SMYD5: variants seen among roughly 807,000 people sequenced by gnomAD.
SMYD5 encodes the protein SMYD family member 5.
Under a neutral mutation model 57.4 loss-of-function variants are expected in SMYD5, and 35 were observed. That is an observed-to-expected ratio of 0.61 (90% CI 0.47 to 0.81). The LOEUF (loss-of-function observed/expected upper bound fraction) is 0.81, where lower values mean the gene tolerates loss of function less well. SMYD5 is among the 30% of genes least tolerant of loss of function. The pLI, the probability that SMYD5 is intolerant of heterozygous loss-of-function variation, is 0.00. For synonymous variants in SMYD5, 198 were observed against 189.7 expected, an observed-to-expected ratio of 1.04 and a Z score of -0.36; for missense variants, 471 against 527.9, an observed-to-expected ratio of 0.89 and a Z score of 1.06.
chr2:73,225,441 G>T (rs925509945), intron 11 of SMYD5, 190 bp from the exon 12 acceptor site: 2 of 672,350 alleles, frequency 3.0e-6, no homozygotes, highest in African/African-American at 1.8e-5. Context: ...CAGGCTGTTG[G>T]AGCCTTATAG....
At chr2:73,216,743 T>A (rs1329975960) in intron 1 of SMYD5, among the ~76,000 whole-genome samples, 1 of 150,896 alleles carries the variant, frequency 6.6e-6, no homozygotes, top group Admixed American at 6.6e-5. Flanking sequence ...TTTTGCACTA[T>A]TTTTTTTTAT....
chr2:73,216,049 G>A (rs966145357), intron 1 of SMYD5, among the ~76,000 whole-genome samples: 8 of 152,192 alleles, frequency 5.3e-5, no homozygotes, highest in African/African-American at 1.4e-4. Context: ...GGGGCCTCAA[G>A]TGGGAGTAGT....
chr2:73,224,845 T>A (rs754469856), intron 10 of SMYD5, 21 bp from the exon 11 acceptor site: 3 of 1,579,354 alleles, frequency 1.9e-6, no homozygotes, highest in Non-Finnish European at 2.6e-6. Context: ...TAATCCTCAT[T>A]ACCTGCCTCT....
intron 6 of SMYD5, 82 bp from the exon 7 acceptor site, chr2:73,222,673 T>C: frequency 8.4e-7 from 1 of 1,196,676 alleles, no homozygotes. Context: ...TTTCCTTCCC[T>C]CCCCTAGTCG....
At chr2:73,220,596 A>C (rs1686367199) in intron 3 of SMYD5, 65 bp from the exon 4 acceptor site, 1 of 1,582,382 alleles carries the variant, frequency 6.3e-7, no homozygotes, top group South Asian at 1.1e-5. Flanking sequence ...TGTGGAAGGA[A>C]TGCAGTTAGA....
In SMYD5 at chr2:73,223,502, A is replaced by G. The variant is rs1686437734; in HGVS notation, c.853A>G (p.Ile285Val). Residue 285 changes from isoleucine to valine, a missense_variant, in exon 9 of 13, where the codon ATT (isoleucine) becomes GTT (valine). Coordinates refer to ENST00000389501, the MANE Select transcript of SMYD5 (RefSeq NM_006062.3). Reference sequence around the variant, plus strand: ...GGACCGTGAGCAGCTTGACGCCTTCATTGACCAGCTATACAAGGACATCGA... The same window carrying G: ...GGACCGTGAGCAGCTTGACGCCTTCGTTGACCAGCTATACAAGGACATCGA... ...PQDREQLDAF[I>V]DQLYKDIEAA... 6.2e-7 allele frequency: 1 copy of G among 1,613,976 alleles called. No individual in the cohort carries two copies. Among genetic ancestry groups the G allele is most frequent in the East Asian group, 2.2e-5 (1 of 44,870 alleles).
intron 9 of SMYD5, 147 bp downstream of exon 9, chr2:73,223,679 C>G (rs1686447869): frequency 1.5e-6 from 1 of 684,070 alleles, no homozygotes. Context: ...GATCTGTCCA[C>G]AGGGCACACA....
intron 10 of SMYD5, 55 bp from the exon 11 acceptor site, chr2:73,224,811 G>T (rs1686467168): frequency 3.0e-6 from 4 of 1,354,448 alleles, no homozygotes; most frequent in Non-Finnish European, 4.2e-6. Flanking sequence ...CTGCAGAATT[G>T]AGGCTATTAT....
intron 2 of SMYD5, among the ~76,000 whole-genome samples, chr2:73,219,336 G>A (rs1273771069): frequency 6.6e-6 from 1 of 152,090 alleles, no homozygotes; most frequent in Admixed American, 6.6e-5. Flanking sequence ...CAAGTACGAT[G>A]CCCTTAGCTT....
intron 11 of SMYD5, 118 bp downstream of exon 11, chr2:73,225,078 C>A: frequency 1.4e-6 from 1 of 706,202 alleles, no homozygotes; most frequent in Non-Finnish European, 2.4e-6. Context: ...GGTGGAATCC[C>A]CACATACCTT....
Position 73,223,587 on chromosome 2 carries a change from T to G in SMYD5, c.883+55T>G, listed in dbSNP as rs1357233329. On this transcript the variant is annotated intron_variant, in intron 9 of 12. Transcript: ENST00000389501. ...AGCCATGGCGACCCCCCCAGTCAGA[T>G]GGTGGACACAAAGTCTTTCCCCAGG... 1.1e-5 allele frequency: 13 copies of G among 1,190,738 alleles called. No individual in the cohort carries two copies. The Admixed American group carries it at 2.2e-4, about 20-fold the overall frequency. The allele number at this position is 1,190,738 out of a possible 1,614,324, so 73.8% of individuals were successfully genotyped here. A position where few individuals can be genotyped will look rare whatever the true frequency, so the allele number is the denominator to read the frequency against.
chr2:73,221,857 TTTCCCA>T lies in SMYD5; in HGVS notation c.570_575del (p.Phe190_Gln192delinsLeu). ...GACAAGGACCGTTGGATCAGACTCT[TTTCCCA>T]GTTTTGTAACAAAACAGCCAATGAA... On this transcript the variant is annotated inframe_deletion, in exon 6 of 13. Transcript: ENST00000389501. The T allele has an allele frequency of 6.2e-7, 1 of 1,614,028 alleles. No homozygotes were observed. Among genetic ancestry groups the T allele is most frequent in the Non-Finnish European group, 8.5e-7 (1 of 1,179,900 alleles).
intron 3 of SMYD5, 140 bp downstream of exon 3, chr2:73,220,330 G>C: frequency 2.0e-6 from 2 of 985,116 alleles, no homozygotes; most frequent in Non-Finnish European, 3.0e-6. Flanking sequence ...TGTTGAAAAG[G>C]CTTGGTTATT....
intron 1 of SMYD5, chr2:73,214,772 C>T (rs1183892904): frequency 7.6e-7 from 1 of 1,315,206 alleles, no homozygotes; most frequent in East Asian, 5.3e-5. Flanking sequence ...GGAGAGAGGC[C>T]AAGATCCTTC....
At chr2:73,218,768 C>T (rs1686333334) in intron 1 of SMYD5, 93 bp from the exon 2 acceptor site, 4 of 842,098 alleles carry the variant, frequency 4.8e-6, no homozygotes, top group Non-Finnish European at 8.0e-6. Context: ...AAGAGTGAGG[C>T]ATGTGGGAGT....
intron 1 of SMYD5, among the ~76,000 whole-genome samples, chr2:73,215,485 C>G (rs752104548): frequency 1.3e-5 from 2 of 152,100 alleles, no homozygotes; most frequent in Non-Finnish European, 2.9e-5. Context: ...TTGCTCCTTC[C>G]CTGGTAAATC....
Position 73,226,301 on chromosome 2 carries a change from G to T in SMYD5, c.*355G>T. 4.0e-6 allele frequency: 1 copy of T among 250,276 alleles called. No individual in the cohort carries two copies. The highest frequency in any genetic ancestry group is 7.7e-6 in the Non-Finnish European group (1 of 130,240). 15.5% of individuals were successfully genotyped at this position (250,276 alleles called of 1,614,324 possible). A position where few individuals can be genotyped will look rare whatever the true frequency, so the allele number is the denominator to read the frequency against. ...GGCCCATACTCACCCCTTCACCTGA[G>T]GCTTCTCCCCTCTCAACTTGCTGTT... is the stretch of plus-strand genomic sequence containing the variant. On this transcript the variant is annotated 3_prime_UTR_variant, in exon 13 of 13. Coordinates refer to ENST00000389501, the MANE Select transcript of SMYD5 (RefSeq NM_006062.3).
At chr2:73,218,318 A>G (rs1165745700) in intron 1 of SMYD5, among the ~76,000 whole-genome samples, 1 of 152,230 alleles carries the variant, frequency 6.6e-6, no homozygotes, top group East Asian at 1.9e-4. Context: ...GCAACCACCA[A>G]GGACTTGTTG....
Position 73,226,949 on chromosome 2 carries a change from G to C in SMYD5, c.*1003G>C, listed in dbSNP as rs1686520054. On this transcript the variant is annotated 3_prime_UTR_variant, in exon 13 of 13. Coordinates refer to ENST00000389501, the MANE Select transcript of SMYD5 (RefSeq NM_006062.3). Reference sequence around the variant, plus strand: ...CCTGTCTTGTCCCCTCCTACCCCCAGATTAGCACCACCCCTCTCACTCTTG... The same window carrying C: ...CCTGTCTTGTCCCCTCCTACCCCCACATTAGCACCACCCCTCTCACTCTTG... The C allele has an allele frequency of 6.6e-6, 1 of 152,662 alleles. No homozygotes were observed. Among genetic ancestry groups the C allele is most frequent in the African/African-American group, 2.4e-5 (1 of 41,442 alleles). The allele number at this position is 152,662 out of a possible 1,614,324, so 9.5% of individuals were successfully genotyped here. A position where few individuals can be genotyped will look rare whatever the true frequency, so the allele number is the denominator to read the frequency against.
Sources: allele counts gnomAD v4.1 joint callset (sites outside exome capture counted in the v4.1 genomes callset), GRCh38; gene constraint gnomAD v4.1.1; transcripts MANE v1.5; gene names NCBI Gene and HGNC (gene_info 2026-07-23, HGNC 2026-07-21).